SYNE3: variants seen among roughly 807,000 people sequenced by gnomAD.
SYNE3 encodes nesprin-3.
In SYNE3, 100 loss-of-function variants were observed where a neutral mutation model predicts 111.2. The ratio of observed to expected loss-of-function variants is 0.90; its 90% confidence interval spans 0.77 to 1.06. SYNE3 has a LOEUF of 1.06. Among genes scored for constraint, SYNE3 ranks in the 50% least tolerant of loss-of-function variants. SYNE3 has a pLI of 0.00. For missense variants in SYNE3, 1,160 were observed against 1,240.3 expected (o/e 0.94, Z 0.97); for synonymous variants, 547 against 533.9 (o/e 1.02, Z -0.34).
chr14:95,478,064 G>A (rs906670586), intron 1 of SYNE3, among the ~76,000 whole-genome samples: 2 of 152,172 alleles, frequency 1.3e-5, no homozygotes, highest in African/African-American at 4.8e-5. Flanking sequence ...AGGCTCAGTG[G>A]TTGGTGTCTG....
At chr14:95,443,004 T>C in intron 11 of SYNE3, 151 bp downstream of exon 11, 1 of 1,001,414 alleles carries the variant, frequency 1.0e-6, no homozygotes, top group South Asian at 1.7e-5. Context: ...AATTGTCTGT[T>C]GTATGAATGA....
chr14:95,484,219 A>T (rs937744917), intron 1 of SYNE3, among the ~76,000 whole-genome samples: 6 of 152,060 alleles, frequency 3.9e-5, no homozygotes, highest in African/African-American at 1.4e-4. Context: ...GACAGAGTGG[A>T]GGGGGCAGAG....
chr14:95,462,144 C>T (rs964023013), intron 4 of SYNE3, among the ~76,000 whole-genome samples: 2 of 152,172 alleles, frequency 1.3e-5, no homozygotes, highest in African/African-American at 4.8e-5. Flanking sequence ...TAGCTCCTCG[C>T]CCCATAGAAA....
At chr14:95,450,674 TC>T (rs1887021102) in intron 7 of SYNE3, 1 of 152,418 alleles carries the variant, frequency 6.6e-6, no homozygotes, top group African/African-American at 2.4e-5. Flanking sequence ...GACACCTGTC[TC>T]CAAAATAAAT....
At chr14:95,454,862 CG>C (rs1390325381) in intron 6 of SYNE3, among the ~76,000 whole-genome samples, 1 of 152,078 alleles carries the variant, frequency 6.6e-6, no homozygotes, top group Non-Finnish European at 1.5e-5. Context: ...TCGTATACCT[CG>C]GGGGAGGGCT....
intron 3 of SYNE3, 63 bp downstream of exon 3, chr14:95,467,732 C>T: frequency 6.3e-7 from 1 of 1,589,956 alleles, no homozygotes; most frequent in Admixed American, 1.7e-5. Context: ...AGGGCCCAAG[C>T]TAGTGTCACA....
intron 17 of SYNE3, among the ~76,000 whole-genome samples, chr14:95,420,711 A>AACACAC (rs1009627085): frequency 6.6e-6 from 1 of 150,694 alleles, no homozygotes; most frequent in African/African-American, 2.5e-5. Flanking sequence ...TGCTTAGGAA[A>AACACAC]ACACACACAC....
Position 95,445,983 on chromosome 14 carries a change from C to T in SYNE3, c.1558G>A (p.Glu520Lys). Residue 520 changes from glutamate (E) to lysine (K), a missense_variant, in exon 9 of 18, where the codon GAG becomes AAG. Coordinates refer to ENST00000682763, the MANE Select transcript of SYNE3 (RefSeq NM_152592.6). ...TCCCTCATGGAACCTGCCACCTGCT[C>T]CAGGAGTGCCGTGGCTCTCTCCTGG... ...FGQERATALL[E>K]QVAGSMRDRD... is the part of the protein sequence containing the mutation. 3 of 1,614,124 alleles carry T rather than the reference C, an allele frequency of 1.9e-6. No homozygotes were observed. The highest frequency in any genetic ancestry group is 2.5e-6 in the Non-Finnish European group (3 of 1,180,034).
intron 4 of SYNE3, among the ~76,000 whole-genome samples, chr14:95,462,134 T>C (rs1361001713): frequency 1.3e-5 from 2 of 152,182 alleles, no homozygotes; most frequent in East Asian, 3.9e-4. Flanking sequence ...GTGGATGCTA[T>C]AGCTCCTCGC....
rs1021853327 is a variant in SYNE3 at position 95,466,203 on chromosome 14, G to T, written c.355C>A (p.Leu119Met). 8.2e-6 allele frequency: 13 copies of T among 1,589,714 alleles called. No individual in the cohort carries two copies. Among genetic ancestry groups the T allele is most frequent in the Non-Finnish European group, 1.1e-5 (13 of 1,160,620 alleles). ...EWVWLHWSEY[L>M]LARDEFYRWF... The stretch of plus-strand genomic sequence containing the variant: ...CGGTAGAACTCATCTCGGGCCAGCA[G>T]GTACTCGCTCCAGTGCAGCCACACC... The change falls in exon 4 of 18, where the codon CTG (leucine) becomes ATG (methionine). Residue 119 changes from leucine (L) to methionine (M), a missense_variant. Coordinates refer to ENST00000682763, the MANE Select transcript of SYNE3 (RefSeq NM_152592.6).
intron 1 of SYNE3, among the ~76,000 whole-genome samples, chr14:95,482,906 G>C (rs1889343685): frequency 6.6e-6 from 1 of 152,164 alleles, no homozygotes; most frequent in Non-Finnish European, 1.5e-5. Flanking sequence ...ATGCTAAGTA[G>C]CAGAGGCAAG....
At chr14:95,487,426 T>C (rs1403098512) in intron 1 of SYNE3, among the ~76,000 whole-genome samples, 1 of 152,184 alleles carries the variant, frequency 6.6e-6, no homozygotes, top group East Asian at 1.9e-4. Context: ...TCCACCGCGA[T>C]GCCGTGTTTC....
At chr14:95,506,365 C>A (rs937268062) in intron 1 of SYNE3, among the ~76,000 whole-genome samples, 2 of 152,252 alleles carry the variant, frequency 1.3e-5, no homozygotes, top group African/African-American at 2.4e-5. Flanking sequence ...GTGCTCCGGG[C>A]AGGCAATGAA....
At chr14:95,469,901 T>TG (rs1358595978) in intron 2 of SYNE3, among the ~76,000 whole-genome samples, 1 of 152,078 alleles carries the variant, frequency 6.6e-6, no homozygotes, top group East Asian at 1.9e-4. Context: ...ATGATGACGA[T>TG]GATGATAATA....
rs936096113 is a variant in SYNE3, at chr14:95,408,739, T to A, written c.*9087A>T. ...CCCTTCACATGCACACACAGCTTCC[T>A]CTGTCCGCTTCCTCCTCCCCAGTAA... On this transcript the variant is annotated 3_prime_UTR_variant, in exon 18 of 18. Transcript: ENST00000682763. 7 of 150,722 alleles carry A rather than the reference T, an allele frequency of 4.6e-5. No individual in the cohort carries two copies. In the Admixed American group the frequency reaches 5.6e-4, roughly 12 times the overall value. 9.3% of individuals were successfully genotyped at this position (150,722 alleles called of 1,614,324 possible).
rs974356373 is a variant in SYNE3 at position 95,436,954 on chromosome 14, T to C, written c.2404A>G (p.Ser802Gly). The C allele has an allele frequency of 8.1e-6, 13 of 1,611,758 alleles. No homozygotes were observed. The Admixed American group carries it at 1.0e-4, about 12-fold the overall frequency. The change falls in exon 15 of 18, where the codon AGC (serine) becomes GGC (glycine). Residue 802 changes from serine (S) to glycine (G), a missense_variant. Ser to Gly is a moderately conservative substitution (Grantham distance 56). Transcript: ENST00000682763. ...AGGAGCTGGGAGAAATCTTCATGGCTCCCTTCTTCTTCCTGTAGAAGATTT... is the reference window on the plus strand; with the variant it reads ...AGGAGCTGGGAGAAATCTTCATGGCCCCCTTCTTCTTCCTGTAGAAGATTT... The part of the protein sequence containing the change: ...RANLLQEEEG[S>G]HEDFSQLLRN...
intron 1 of SYNE3, among the ~76,000 whole-genome samples, chr14:95,480,728 T>C (rs1490432788): frequency 6.6e-6 from 1 of 151,898 alleles, no homozygotes; most frequent in Non-Finnish European, 1.5e-5. Context: ...AGAGTGTGGT[T>C]GACTCAGGGA....
intron 1 of SYNE3, among the ~76,000 whole-genome samples, chr14:95,488,497 AG>A (rs1377582332): frequency 1.3e-5 from 2 of 151,984 alleles, no homozygotes; most frequent in Non-Finnish European, 2.9e-5. Context: ...AATACCTAGG[AG>A]TGGAATGGCT....
At position 95,408,894 on chromosome 14, in the gene SYNE3, C is replaced by T. The variant is rs575893593; in HGVS notation, c.*8932G>A. ...CTGCCCCCGCAAGGGCTGGCCTGTC[C>T]GTGCTTTTCCAGTGGGAAGGTAGAC... On this transcript the variant is annotated 3_prime_UTR_variant, in exon 18 of 18. Coordinates refer to ENST00000682763, the MANE Select transcript of SYNE3 (RefSeq NM_152592.6). The T allele has an allele frequency of 2.0e-5, 7 of 348,072 alleles. No homozygotes were observed. Among genetic ancestry groups the T allele is most frequent in the African/African-American group, 6.4e-5 (3 of 46,710 alleles). 21.6% of individuals were successfully genotyped at this position (348,072 alleles called of 1,614,324 possible).
Sources: gnomAD v4.1 joint callset for allele counts (sites outside exome capture counted in the v4.1 genomes callset) on GRCh38, gnomAD v4.1.1 for gene constraint, MANE v1.5 for transcripts, NCBI Gene and HGNC (gene_info 2026-07-23, HGNC 2026-07-21) for gene names.